Variants in MDGA2 observed in about 807,000 individuals in gnomAD.
MDGA2 encodes MAM domain-containing glycosylphosphatidylinositol anchor protein 2.
MDGA2 carries 40 observed loss-of-function variants against 117.8 expected under a neutral mutation model. The observed-to-expected ratio is 0.34, with a 90% confidence interval of 0.26 to 0.44. The LOEUF is 0.44. Ranked by LOEUF, MDGA2 falls within the 20% of genes least tolerant of loss-of-function variation. The probability of loss-of-function intolerance (pLI) is 1.00; values close to 1 mark genes in which losing one functional copy is unlikely to be tolerated. For missense variants in MDGA2, 1,123 were observed against 1,250.6 expected (o/e 0.90, Z 1.54); for synonymous variants, 452 against 439.0 (o/e 1.03, Z -0.37).
At chr14:46,869,161 G>C (rs1230577304) in intron 14 of MDGA2, among the ~76,000 whole-genome samples, 2 of 151,856 alleles carry the variant, frequency 1.3e-5, no homozygotes, top group African/African-American at 4.8e-5. Context: ...CTCCATAGTG[G>C]AATTAGCTTT....
intron 6 of MDGA2, among the ~76,000 whole-genome samples, chr14:47,094,123 C>T (rs979123970): frequency 3.3e-5 from 5 of 151,878 alleles, no homozygotes; most frequent in East Asian, 1.9e-4. Flanking sequence ...TTTCTCCCCA[C>T]AGTTTAATCT....
chr14:46,910,045 GTTAA>G lies in MDGA2; in HGVS notation c.2238+9963_2238+9966del, dbSNP rs1306434122. On this transcript the variant is annotated intron_variant, in intron 10 of 16. Transcript: ENST00000399232. ...GTGCCTAACATCCATCTCAATAAGA[GTTAA>G]TTTTCATTTTTAATATAAATTTCAT... 3.3e-5 allele frequency among the ~76,000 whole-genome samples: 5 copies of G among 152,026 alleles called. No individual in the cohort carries two copies. In the East Asian group the frequency reaches 9.6e-4, roughly 29 times the overall value.
chr14:47,008,281 C>T (rs951211494), intron 8 of MDGA2, among the ~76,000 whole-genome samples: 2 of 151,792 alleles, frequency 1.3e-5, no homozygotes, highest in African/African-American at 4.8e-5. Context: ...AGGGTAAATA[C>T]AATTTCAAAG....
chr14:46,926,142 G>T (rs1884323741), intron 9 of MDGA2, among the ~76,000 whole-genome samples: 1 of 152,104 alleles, frequency 6.6e-6, no homozygotes, highest in Non-Finnish European at 1.5e-5. Context: ...CTAAAGTCCA[G>T]TTATTCTGAA....
intron 1 of MDGA2, among the ~76,000 whole-genome samples, chr14:47,418,515 T>C (rs1045268202): frequency 6.6e-6 from 1 of 152,164 alleles, no homozygotes; most frequent in South Asian, 2.1e-4. Flanking sequence ...TTAGTGGAAG[T>C]AGCAAACAAG....
intron 8 of MDGA2, among the ~76,000 whole-genome samples, chr14:47,004,081 G>A (rs1302833052): frequency 6.6e-6 from 1 of 151,894 alleles, no homozygotes; most frequent in Admixed American, 6.6e-5. Context: ...TTCAGAATAT[G>A]TAAAGGTGTT....
rs149175525 is a variant in MDGA2 at position 47,055,670 on chromosome 14, A to G, written c.1525+5579T>C. ...TATTTTATTTCTGAATTAATAGGAT[A>G]TCAAAAGTGTAGGTTTGAGGTCAAT... On this transcript the variant is annotated intron_variant, in intron 7 of 16. Transcript: ENST00000399232. Among the ~76,000 whole-genome samples the G allele has an allele frequency of 2.9e-3, 446 of 152,286 alleles. 4 individuals are homozygous for G. The highest frequency in any genetic ancestry group is 0.01 in the African/African-American group (421 of 41,578).
At chr14:47,500,866 G>C (rs1894385107) in intron 1 of MDGA2, among the ~76,000 whole-genome samples, 1 of 152,020 alleles carries the variant, frequency 6.6e-6, no homozygotes, top group Non-Finnish European at 1.5e-5. Flanking sequence ...ATTTGGGAGA[G>C]TTCTTCTCTA....
At chr14:47,323,633 A>AAAAAC (rs55906303) in intron 1 of MDGA2, among the ~76,000 whole-genome samples, 19,241 of 151,382 alleles carry the variant, frequency 0.13, 1,349 homozygotes, top group African/African-American at 0.19. Flanking sequence ...CTCCATCTCA[A>AAAAAC]AAAACAAAAC....
At chr14:47,074,427 T>A (rs1177593738) in intron 6 of MDGA2, among the ~76,000 whole-genome samples, 1 of 151,920 alleles carries the variant, frequency 6.6e-6, no homozygotes, top group Non-Finnish European at 1.5e-5. Context: ...GCCTCCCGAG[T>A]AGCTGGGACT....
chr14:47,138,461 T>C (rs1034275092), intron 4 of MDGA2, among the ~76,000 whole-genome samples: 3 of 152,108 alleles, frequency 2.0e-5, no homozygotes, highest in Non-Finnish European at 4.4e-5. Context: ...TAATGGAAAG[T>C]GAATTTTCAA....
chr14:47,320,848 A>G (rs1889958657), intron 1 of MDGA2, among the ~76,000 whole-genome samples: 1 of 152,116 alleles, frequency 6.6e-6, no homozygotes, highest in African/African-American at 2.4e-5. Flanking sequence ...GAATGCTTTG[A>G]GTACTTGTGT....
chr14:47,498,361 A>T (rs1310460705), intron 1 of MDGA2, among the ~76,000 whole-genome samples: 1 of 152,194 alleles, frequency 6.6e-6, no homozygotes, highest in Non-Finnish European at 1.5e-5. Flanking sequence ...CACTGAGCTA[A>T]TATTCCTACA....
At chr14:47,607,359 G>T (rs574116706) in intron 1 of MDGA2, among the ~76,000 whole-genome samples, 1 of 152,206 alleles carries the variant, frequency 6.6e-6, no homozygotes, top group Admixed American at 6.5e-5. Flanking sequence ...TATGAACCTT[G>T]TTCATCCACT....
chr14:47,633,089 G>C (rs1170331075), intron 1 of MDGA2, among the ~76,000 whole-genome samples: 1 of 152,084 alleles, frequency 6.6e-6, no homozygotes, highest in African/African-American at 2.4e-5. Flanking sequence ...CATGCACCTG[G>C]GATGCTTTCA....
chr14:47,135,452 T>C (rs1306037641), intron 4 of MDGA2, among the ~76,000 whole-genome samples: 1 of 152,146 alleles, frequency 6.6e-6, no homozygotes, highest in African/African-American at 2.4e-5. Flanking sequence ...TCCTAATTTT[T>C]CTTGTCCTTG....
chr14:47,216,730 G>A (rs931196519), intron 3 of MDGA2, among the ~76,000 whole-genome samples: 9 of 152,070 alleles, frequency 5.9e-5, no homozygotes, highest in African/African-American at 2.2e-4. Flanking sequence ...TTCAATTCAT[G>A]TAAATTAAAC....
chr14:47,418,796 C>G (rs548997256), intron 1 of MDGA2, among the ~76,000 whole-genome samples: 2 of 152,056 alleles, frequency 1.3e-5, no homozygotes, highest in African/African-American at 2.4e-5. Flanking sequence ...AGAAATAGAA[C>G]CCAGGTCTAA....
At chr14:47,645,376 G>A (rs2138255791) in intron 1 of MDGA2, among the ~76,000 whole-genome samples, 1 of 152,050 alleles carries the variant, frequency 6.6e-6, no homozygotes, top group East Asian at 2.0e-4. Context: ...TGGGACTACA[G>A]GCGCATGACA....
Sources: allele counts gnomAD v4.1 joint callset (sites outside exome capture counted in the v4.1 genomes callset), GRCh38; gene constraint gnomAD v4.1.1; transcripts MANE v1.5; gene names NCBI Gene and HGNC (gene_info 2026-07-23, HGNC 2026-07-21).